HCN1: variants seen among roughly 807,000 people sequenced by gnomAD.
HCN1 encodes hyperpolarization activated cyclic nucleotide gated potassium channel 1.
In HCN1, 13 loss-of-function variants were observed where a neutral mutation model predicts 78.9. That is an observed-to-expected ratio of 0.16 (90% CI 0.11 to 0.26). HCN1 has a LOEUF of 0.26. HCN1 is among the 10% of genes least tolerant of loss of function. HCN1 has a pLI of 1.00. For missense variants in HCN1, 810 were observed against 1,154.3 expected, an observed-to-expected ratio of 0.70 and a Z score of 4.32; for synonymous variants, 552 against 455.5, an observed-to-expected ratio of 1.21 and a Z score of -2.70.
chr5:45,449,786 A>C (rs1022712940), intron 3 of HCN1, among the ~76,000 whole-genome samples: 1 of 152,138 alleles, frequency 6.6e-6, no homozygotes, highest in Admixed American at 6.5e-5. Flanking sequence ...AATATGTATC[A>C]TTCTGCCATA....
At chr5:45,285,349 G>A (rs1417957058) in intron 6 of HCN1, among the ~76,000 whole-genome samples, 1 of 151,556 alleles carries the variant, frequency 6.6e-6, no homozygotes, top group Non-Finnish European at 1.5e-5. Context: ...TATTCTCTGT[G>A]CTGGAAATAC....
intron 2 of HCN1, among the ~76,000 whole-genome samples, chr5:45,500,646 A>T (rs1174017000): frequency 6.6e-6 from 1 of 152,186 alleles, no homozygotes; most frequent in Non-Finnish European, 1.5e-5. Context: ...GCAATAATTT[A>T]TCTCATCTTA....
chr5:45,482,130 TA>T (rs1561170969), intron 2 of HCN1, among the ~76,000 whole-genome samples: 1 of 152,160 alleles, frequency 6.6e-6, no homozygotes, highest in African/African-American at 2.4e-5. Context: ...TCCACTATTA[TA>T]AAAAACCTGG....
intron 5 of HCN1, among the ~76,000 whole-genome samples, chr5:45,318,499 A>G (rs1257716913): frequency 2.0e-5 from 3 of 152,142 alleles, no homozygotes. Flanking sequence ...CCAACATGGC[A>G]CATGTATACA....
chr5:45,443,809 C>A (rs1304219961), intron 3 of HCN1, among the ~76,000 whole-genome samples: 1 of 151,748 alleles, frequency 6.6e-6, no homozygotes, highest in Non-Finnish European at 1.5e-5. Context: ...TATTTTGTTA[C>A]AATTTTAAAG....
intron 2 of HCN1, among the ~76,000 whole-genome samples, chr5:45,474,333 G>C (rs1044928683): frequency 3.3e-5 from 5 of 151,794 alleles, no homozygotes; most frequent in Non-Finnish European, 7.4e-5. Context: ...GATAATGCTA[G>C]ACTTACTCAG....
intron 5 of HCN1, among the ~76,000 whole-genome samples, chr5:45,323,555 C>A: frequency 6.6e-6 from 1 of 151,432 alleles, no homozygotes; most frequent in African/African-American, 2.4e-5. Context: ...TAAAATTTTT[C>A]TTTTTTTTCA....
intron 4 of HCN1, among the ~76,000 whole-genome samples, chr5:45,371,288 A>G (rs1271552158): frequency 2.6e-5 from 4 of 152,072 alleles, no homozygotes; most frequent in Non-Finnish European, 4.4e-5. Flanking sequence ...AGCTGAACTG[A>G]AGAAAACTGA....
At position 45,693,686 on chromosome 5, in the gene HCN1, C is replaced by T. The variant is rs73104924; in HGVS notation, c.425+1983G>A. ...TAATTCCATTCATTCAAAAGACTTTCGCATGCTATTCTAATTCCTGAAAAG... is the reference window on the plus strand; with the variant it reads ...TAATTCCATTCATTCAAAAGACTTTTGCATGCTATTCTAATTCCTGAAAAG... On this transcript the variant is annotated intron_variant, in intron 1 of 7. Coordinates refer to ENST00000303230, the MANE Select transcript of HCN1 (RefSeq NM_021072.4). Among the ~76,000 whole-genome samples the T allele has an allele frequency of 8.7e-3, 1,326 of 152,162 alleles. 29 individuals are homozygous for T. The highest frequency in any genetic ancestry group is 0.031 in the African/African-American group (1,286 of 41,488).
intron 3 of HCN1, among the ~76,000 whole-genome samples, chr5:45,445,314 G>A (rs1435740358): frequency 2.0e-5 from 3 of 152,174 alleles, no homozygotes; most frequent in African/African-American, 7.2e-5. Context: ...AAACTGCAAG[G>A]CGGCAGTGAG....
In HCN1 at chr5:45,259,440, C is replaced by T. The variant is rs920831466; in HGVS notation, c.*2481G>A. 3 of 152,284 alleles carry T rather than the reference C, an allele frequency of 2.0e-5. No homozygotes were observed. Among genetic ancestry groups the T allele is most frequent in the African/African-American group, 7.3e-5 (3 of 41,330 alleles). The allele number at this position is 152,284 out of a possible 1,614,324, so 9.4% of individuals were successfully genotyped here. On this transcript the variant is annotated 3_prime_UTR_variant, in exon 8 of 8. Coordinates refer to ENST00000303230, the MANE Select transcript of HCN1 (RefSeq NM_021072.4). The stretch of plus-strand genomic sequence containing the variant: ...ACATTTCTTTCTGTACAGATTAAAA[C>T]TCCATACATACGGGCTTCACTATGT...
At chr5:45,360,729 T>C (rs1355406413) in intron 4 of HCN1, among the ~76,000 whole-genome samples, 1 of 152,014 alleles carries the variant, frequency 6.6e-6, no homozygotes, top group Non-Finnish European at 1.5e-5. Flanking sequence ...ATCATAAAAA[T>C]AACATGAAAT....
At chr5:45,320,257 C>T (rs555992793) in intron 5 of HCN1, among the ~76,000 whole-genome samples, 2 of 151,934 alleles carry the variant, frequency 1.3e-5, no homozygotes, top group East Asian at 3.9e-4. Context: ...CCACATGACA[C>T]CTCATCTCCT....
chr5:45,407,755 C>T (rs372490583), intron 3 of HCN1, among the ~76,000 whole-genome samples: 14 of 152,030 alleles, frequency 9.2e-5, no homozygotes, highest in African/African-American at 2.9e-4. Context: ...GGTGATCTAC[C>T]TGCCTCAGCC....
intron 3 of HCN1, among the ~76,000 whole-genome samples, chr5:45,441,340 G>T (rs886883008): frequency 5.0e-5 from 7 of 140,350 alleles, no homozygotes; most frequent in African/African-American, 1.8e-4. Context: ...CAGAAAACAT[G>T]AAAGGAAGAA....
intron 3 of HCN1, among the ~76,000 whole-genome samples, chr5:45,410,745 G>A (rs554835857): frequency 6.6e-6 from 1 of 152,172 alleles, no homozygotes; most frequent in East Asian, 1.9e-4. Flanking sequence ...GTAAGCCTGT[G>A]TAAAAAGGCA....
At chr5:45,272,721 A>G (rs979245925) in intron 6 of HCN1, among the ~76,000 whole-genome samples, 1 of 152,096 alleles carries the variant, frequency 6.6e-6, no homozygotes, top group Non-Finnish European at 1.5e-5. Context: ...TGCAATGTTT[A>G]TAATAAAGAA....
intron 3 of HCN1, among the ~76,000 whole-genome samples, chr5:45,403,004 C>T (rs1457141850): frequency 6.6e-6 from 1 of 151,952 alleles, no homozygotes; most frequent in African/African-American, 2.4e-5. Context: ...TCCAGCAATC[C>T]CATATCAGCC....
intron 2 of HCN1, among the ~76,000 whole-genome samples, chr5:45,497,194 G>T (rs1462485555): frequency 6.6e-6 from 1 of 152,158 alleles, no homozygotes; most frequent in South Asian, 2.1e-4. Flanking sequence ...TTGGGATGGA[G>T]AATTCTGTAG....
Sources: gnomAD v4.1 joint callset for allele counts (sites outside exome capture counted in the v4.1 genomes callset) on GRCh38, gnomAD v4.1.1 for gene constraint, MANE v1.5 for transcripts, NCBI Gene and HGNC (gene_info 2026-07-23, HGNC 2026-07-21) for gene names.